Variants in ADSL observed in about 807,000 individuals in gnomAD.
ADSL encodes adenylosuccinate lyase, also known as adenylosuccinase.
In ADSL, 44 loss-of-function variants were observed where a neutral mutation model predicts 62.1. The ratio of observed to expected loss-of-function variants is 0.71; its 90% CI spans 0.56 to 0.91. ADSL has a LOEUF of 0.91. Among genes scored for constraint, ADSL ranks in the 40% least tolerant of loss-of-function variants. The probability of loss-of-function intolerance (pLI) is 0.00; values close to 1 mark genes in which losing one functional copy is unlikely to be tolerated. For synonymous variants in ADSL, 198 were observed against 220.5 expected, an observed-to-expected ratio of 0.90 and a Z score of 0.90; for missense variants, 531 against 627.4, an observed-to-expected ratio of 0.85 and a Z score of 1.64.
At chr22:40,379,442 C>G (rs1268383426) in intron 2 of ADSL, 4 of 152,192 alleles carry the variant, frequency 2.6e-5, no homozygotes, top group Non-Finnish European at 4.4e-5. Context: ...AGTCTGAGAT[C>G]ACCTCTTCAT....
In ADSL at chr22:40,346,532, C is replaced by T; in HGVS notation, c.-27C>T. ...CGCTTCCGCTCTTCCCTGGTCCAGT[C>T]CACCCTGGCGGGGTCGCAGGGTTGG... On this transcript the variant is annotated 5_prime_UTR_variant, in exon 1 of 13. Transcript: ENST00000623063. The T allele has an allele frequency of 6.3e-7, 1 of 1,593,266 alleles. No individual in the cohort carries two copies. The highest frequency in any genetic ancestry group is 1.3e-5 in the African/African-American group (1 of 74,876).
At chr22:40,385,103 A>C (rs766398366) in intron 2 of ADSL, among the ~76,000 whole-genome samples, 4 of 152,228 alleles carry the variant, frequency 2.6e-5, no homozygotes, top group Non-Finnish European at 4.4e-5. Flanking sequence ...AGTTCAAGAA[A>C]CCAAAGTAAG....
chr22:40,358,781 G>C (rs2044660811), intron 4 of ADSL, 83 bp from the exon 5 acceptor site: 1 of 1,341,736 alleles, frequency 7.5e-7, no homozygotes, highest in African/African-American at 1.4e-5. Flanking sequence ...AAGGGGTAAT[G>C]GTGGTTATTA....
chr22:40,362,837 G>T, intron 9 of ADSL, 144 bp from the exon 10 acceptor site: 2 of 819,432 alleles, frequency 2.4e-6, no homozygotes, highest in Non-Finnish European at 4.2e-6. Context: ...ACAGATTTGA[G>T]GGTCGTGAGG....
chr22:40,354,180 T>A (rs2044460840), intron 3 of ADSL, 68 bp from the exon 4 acceptor site: 2 of 1,302,866 alleles, frequency 1.5e-6, no homozygotes, highest in Non-Finnish European at 2.2e-6. Flanking sequence ...TCTGAAAGTT[T>A]TGTTCCTAAT....
At chr22:40,371,142 G>A (rs1056096090), downstream of ADSL, among the ~76,000 whole-genome samples, 1 of 152,246 alleles carries the variant, frequency 6.6e-6, no homozygotes, top group Non-Finnish European at 1.5e-5. Flanking sequence ...TGCAGAACCC[G>A]GGCTCGGATC....
chr22:40,359,681 G>A (rs2146656678), intron 6 of ADSL, among the ~76,000 whole-genome samples: 1 of 151,828 alleles, frequency 6.6e-6, no homozygotes, highest in Non-Finnish European at 1.5e-5. Flanking sequence ...AGGCATGCCT[G>A]GCTAATTTTT....
chr22:40,371,914 G>T (rs1347981653), downstream of ADSL, among the ~76,000 whole-genome samples: 3 of 151,738 alleles, frequency 2.0e-5, no homozygotes, highest in Non-Finnish European at 4.4e-5. Context: ...GGCCAGGCTG[G>T]TCTCGAACTC....
Position 40,360,108 on chromosome 22 carries a change from A to C in ADSL, c.702-294A>C, listed in dbSNP as rs117326843. On this transcript the variant is annotated intron_variant, in intron 6 of 12. Coordinates refer to ENST00000623063, the MANE Select transcript of ADSL (RefSeq NM_000026.4). ...CCTGAGTATTAGTGAAAAGGGTGGA[A>C]GAATAGTTTATTCCAGGAGCAAGTT... Among the ~76,000 whole-genome samples, 103 of 152,314 alleles carry C rather than the reference A, an allele frequency of 6.8e-4. 3 individuals carry two copies. The East Asian group carries it at 0.019, about 28-fold the overall frequency.
At chr22:40,386,801 T>C (rs2048536827) in intron 2 of ADSL, among the ~76,000 whole-genome samples, 1 of 151,878 alleles carries the variant, frequency 6.6e-6, no homozygotes, top group African/African-American at 2.4e-5. Flanking sequence ...TTTGTGTGAG[T>C]CCCTTTGCCC....
chr22:40,370,348 C>A, downstream of ADSL, among the ~76,000 whole-genome samples: 1 of 139,576 alleles, frequency 7.2e-6, no homozygotes, highest in African/African-American at 2.7e-5. Context: ...GAGCGAGACT[C>A]CATCTCAAAA....
At chr22:40,353,437 T>A (rs756793648) in intron 3 of ADSL, 1 of 700,988 alleles carries the variant, frequency 1.4e-6, no homozygotes, top group East Asian at 2.7e-5. Context: ...GGAGTACAGG[T>A]GCATGCCACC....
intron 4 of ADSL, among the ~76,000 whole-genome samples, chr22:40,355,532 T>A (rs146285355): frequency 1.3e-5 from 2 of 152,314 alleles, no homozygotes; most frequent in African/African-American, 4.8e-5. Flanking sequence ...GTTTTCAATA[T>A]CCATGTTGAA....
rs750512596 is a variant in ADSL at position 40,366,542 on chromosome 22, G to A, written c.*20G>A. On this transcript the variant is annotated 3_prime_UTR_variant, in exon 13 of 13. Coordinates refer to ENST00000623063, the MANE Select transcript of ADSL (RefSeq NM_000026.4). ...CTGTAGAGTTGGAAGAGAATTAAAC[G>A]AAAATCATTGTTAATTGCTGAGGCA... The A allele has an allele frequency of 4.3e-5, 66 of 1,548,562 alleles. No individual in the cohort carries two copies. Among genetic ancestry groups the A allele is most frequent in the Non-Finnish European group, 5.1e-5 (57 of 1,120,460 alleles).
intron 3 of ADSL, chr22:40,353,921 C>T (rs1174214447): frequency 2.0e-5 from 8 of 408,924 alleles, no homozygotes; most frequent in Non-Finnish European, 3.2e-5. Flanking sequence ...CCACCGCGCC[C>T]GGCCCAAGCA....
At chr22:40,383,325 G>A (rs181051717) in intron 2 of ADSL, among the ~76,000 whole-genome samples, 211 of 152,148 alleles carry the variant, frequency 1.4e-3, no homozygotes, top group Non-Finnish European at 1.4e-3. Flanking sequence ...AAATTAGCCC[G>A]GCGTGGTGGC....
At chr22:40,355,738 A>G (rs1388664561) in intron 4 of ADSL, among the ~76,000 whole-genome samples, 1 of 152,216 alleles carries the variant, frequency 6.6e-6, no homozygotes, top group Non-Finnish European at 1.5e-5. Context: ...GCAGTTAACA[A>G]GGAAAACAGT....
chr22:40,386,562 CTTTTTT>C (rs60319316), intron 2 of ADSL, among the ~76,000 whole-genome samples: 10 of 68,366 alleles, frequency 1.5e-4, no homozygotes, highest in African/African-American at 2.8e-4. Context: ...AATTTTCTTA[CTTTTTT>C]TTTTTTTTTT....
chr22:40,364,333 A>G lies in ADSL; in HGVS notation c.1159A>G (p.Met387Val), dbSNP rs1264910912. 1.5e-5 allele frequency: 25 copies of G among 1,613,984 alleles called. No individual in the cohort carries two copies. Among genetic ancestry groups the G allele is most frequent in the Non-Finnish European group, 1.9e-5 (22 of 1,180,030 alleles). The change falls in exon 11 of 13, where the codon ATG becomes GTG. Residue 387 changes from methionine (M) to valine (V), a missense_variant. Transcript: ENST00000623063. The stretch of plus-strand genomic sequence containing the variant: ...TTTCATGGCCACAGAGAACATCATC[A>G]TGGCCATGGTCAAAGCTGGAGGTAG... ...LPFMATENII[M>V]AMVKAGGSRQ...
Sources: gnomAD v4.1 joint callset for allele counts (sites outside exome capture counted in the v4.1 genomes callset) on GRCh38, gnomAD v4.1.1 for gene constraint, MANE v1.5 for transcripts, NCBI Gene and HGNC (gene_info 2026-07-23, HGNC 2026-07-21) for gene names.